TSPAN11: variants seen among roughly 807,000 people sequenced by gnomAD.
The protein encoded by TSPAN11 is tetraspanin-11.
In TSPAN11, 29 loss-of-function variants were observed where a neutral mutation model predicts 32.9. The observed-to-expected ratio is 0.88, with a 90% CI of 0.66 to 1.20. The LOEUF (loss-of-function observed/expected upper bound fraction) is 1.20, where lower values mean the gene tolerates loss of function less well. TSPAN11 is among the 50% of genes most tolerant of loss of function. The pLI is 0.00. For synonymous variants in TSPAN11, 140 were observed against 141.3 expected (o/e 0.99, Z 0.07); for missense variants, 283 against 329.1 (o/e 0.86, Z 1.08).
intron 1 of TSPAN11, chr12:30,927,111 C>T (rs1937814397): frequency 1.1e-5 from 12 of 1,106,328 alleles, no homozygotes; most frequent in Non-Finnish European, 1.3e-5. Context: ...CTCTGAGGGC[C>T]TCGTGCCGTC....
At chr12:31,004,179 T>C in the TSPAN11 span, among the ~76,000 whole-genome samples, 12 of 152,080 alleles carry the variant, frequency 7.9e-5, no homozygotes, top group Non-Finnish European at 1.8e-4. Context: ...TCCCATAGAT[T>C]CTTGACTTTT....
At chr12:30,970,737 C>T (rs12316630) in intron 3 of TSPAN11, among the ~76,000 whole-genome samples, 24,106 of 152,100 alleles carry the variant, frequency 0.16, 2,277 homozygotes, top group East Asian at 0.47. Flanking sequence ...AACCCAGGCG[C>T]TGAGCCCTGG....
At chr12:31,014,464 G>A in the TSPAN11 span, among the ~76,000 whole-genome samples, 1 of 152,048 alleles carries the variant, frequency 6.6e-6, no homozygotes, top group Admixed American at 6.5e-5. Context: ...AGACCACATG[G>A]CATTTTTTTT....
chr12:30,951,396 G>A (rs964843010), intron 1 of TSPAN11, among the ~76,000 whole-genome samples: 7 of 152,126 alleles, frequency 4.6e-5, no homozygotes, highest in Non-Finnish European at 8.8e-5. Context: ...GTCTCTGGTC[G>A]CTCCCCTTCC....
In TSPAN11 at chr12:30,963,948, A is replaced by G; in HGVS notation, c.207A>G (p.Val69=). ...ASAYILIFAG[V]LVMVTGFLGF... The stretch of plus-strand genomic sequence containing the variant: ...CCTACATCCTCATCTTTGCGGGCGT[A>G]CTTGTCATGGTGACCGGCTTCCTGG... Residue 69 remains valine (V), a synonymous_variant, in exon 3 of 8, where the codon GTA becomes GTG. Transcript: ENST00000546076. The G allele has an allele frequency of 6.2e-7, 1 of 1,614,074 alleles. No homozygotes were observed. The highest frequency in any genetic ancestry group is 1.3e-5 in the African/African-American group (1 of 75,048).
chr12:30,981,404 A>G (rs1434065250), intron 5 of TSPAN11, among the ~76,000 whole-genome samples: 1 of 152,022 alleles, frequency 6.6e-6, no homozygotes, highest in African/African-American at 2.4e-5. Flanking sequence ...TATATGAATC[A>G]CCTCTTTCAG....
intron 1 of TSPAN11, among the ~76,000 whole-genome samples, chr12:30,938,098 T>C (rs79061841): frequency 0.044 from 6,753 of 152,298 alleles, 371 homozygotes; most frequent in East Asian, 0.14. Flanking sequence ...TCCATTTTAA[T>C]GGAAGAAGGG....
At chr12:30,944,876 G>T (rs1324170429) in intron 1 of TSPAN11, among the ~76,000 whole-genome samples, 1 of 152,226 alleles carries the variant, frequency 6.6e-6, no homozygotes, top group East Asian at 1.9e-4. Context: ...GAGAGTCAGA[G>T]TCCCCCAACC....
Position 30,989,288 on chromosome 12 carries a change from T to G in TSPAN11, c.703-2568T>G, listed in dbSNP as rs567401209. On this transcript the variant is annotated intron_variant, in intron 7 of 7. Coordinates refer to ENST00000546076, the MANE Select transcript of TSPAN11 (RefSeq NM_001370302.1). ...TCACGGGAGGTCAGGGAAGGCTTCCTGGAGGAAGTGATATCTCATTAAGTC... is the reference window on the plus strand; with the variant it reads ...TCACGGGAGGTCAGGGAAGGCTTCCGGGAGGAAGTGATATCTCATTAAGTC... Among the ~76,000 whole-genome samples, 10 of 152,260 alleles carry G rather than the reference T, an allele frequency of 6.6e-5. No individual in the cohort carries two copies. The South Asian group carries it at 1.9e-3, about 28-fold the overall frequency.
At position 30,995,287 on chromosome 12, in the gene TSPAN11, C is replaced by T. The variant is rs940895936; in HGVS notation, c.*3372C>T. On this transcript the variant is annotated 3_prime_UTR_variant, in exon 8 of 8. Coordinates refer to ENST00000546076, the MANE Select transcript of TSPAN11 (RefSeq NM_001370302.1). ...CAGGTCACACCCACTCCCAGAGCAA[C>T]CCTGGGCAGGGAGGGGCACCCTGGG... 4 of 152,364 alleles carry T rather than the reference C, an allele frequency of 2.6e-5. No homozygotes were observed. Among genetic ancestry groups the T allele is most frequent in the Non-Finnish European group, 5.9e-5 (4 of 68,136 alleles). 9.4% of individuals were successfully genotyped at this position (152,364 alleles called of 1,614,324 possible).
At chr12:30,950,372 A>G (rs1938358299) in intron 1 of TSPAN11, among the ~76,000 whole-genome samples, 1 of 152,238 alleles carries the variant, frequency 6.6e-6, no homozygotes, top group Admixed American at 6.5e-5. Context: ...AACTTTGAAT[A>G]TCTGCAACAT....
At position 30,933,651 on chromosome 12, in the gene TSPAN11, T is replaced by G. The variant is rs529796157; in HGVS notation, c.-12+6855T>G. Reference sequence around the variant, plus strand: ...CATTGCCCATCCAGCTCTCAGAAATTGTCAGGTCAAGCAAACAGTGGTTGC... The same window carrying G: ...CATTGCCCATCCAGCTCTCAGAAATGGTCAGGTCAAGCAAACAGTGGTTGC... On this transcript the variant is annotated intron_variant, in intron 1 of 7. Transcript: ENST00000546076. Among the ~76,000 whole-genome samples, 14 of 152,132 alleles carry G rather than the reference T, an allele frequency of 9.2e-5. 1 individual carries two copies. The South Asian group carries it at 2.1e-3, about 23-fold the overall frequency.
chr12:30,945,837 A>G (rs1938255251), intron 1 of TSPAN11, among the ~76,000 whole-genome samples: 1 of 151,962 alleles, frequency 6.6e-6, no homozygotes, highest in African/African-American at 2.4e-5. Flanking sequence ...GGTCCTGTCT[A>G]TGACATTAAT....
chr12:30,945,878 T>C (rs1938256369), intron 1 of TSPAN11, among the ~76,000 whole-genome samples: 1 of 152,090 alleles, frequency 6.6e-6, no homozygotes, highest in Non-Finnish European at 1.5e-5. Context: ...TCCCCCTGAA[T>C]CCCAGCTTTG....
chr12:30,974,914 T>C (rs778010031), intron 3 of TSPAN11, among the ~76,000 whole-genome samples: 7 of 152,186 alleles, frequency 4.6e-5, no homozygotes, highest in Non-Finnish European at 1.0e-4. Context: ...GATGACGCGC[T>C]GCAGGCATTC....
chr12:30,979,437 C>A, intron 4 of TSPAN11, 129 bp from the exon 5 acceptor site: 3 of 816,090 alleles, frequency 3.7e-6, no homozygotes, highest in South Asian at 3.2e-5. Flanking sequence ...TGTTGAGAAA[C>A]CTCCGCATCA....
At chr12:30,983,576 T>G (rs550930668) in intron 7 of TSPAN11, among the ~76,000 whole-genome samples, 1 of 152,286 alleles carries the variant, frequency 6.6e-6, no homozygotes, top group East Asian at 1.9e-4. Context: ...TGTGCACGTA[T>G]CTGCATTCAT....
intron 1 of TSPAN11, among the ~76,000 whole-genome samples, chr12:30,946,033 G>A (rs191096510): frequency 7.2e-5 from 11 of 152,296 alleles, no homozygotes; most frequent in East Asian, 3.9e-4. Flanking sequence ...GCTCCGCCCC[G>A]CTCAGTTAGT....
At chr12:30,983,409 T>C (rs1939136462) in intron 7 of TSPAN11, among the ~76,000 whole-genome samples, 1 of 151,782 alleles carries the variant, frequency 6.6e-6, no homozygotes, top group Admixed American at 6.6e-5. Flanking sequence ...GGAGTGTGAG[T>C]GTGGGCTCAG....
Sources: allele counts gnomAD v4.1 joint callset (sites outside exome capture counted in the v4.1 genomes callset), GRCh38; gene constraint gnomAD v4.1.1; transcripts MANE v1.5; gene names NCBI Gene and HGNC (gene_info 2026-07-23, HGNC 2026-07-21).